The following ABL1 variants were observed in gnomAD, a reference collection of about 807,000 sequenced individuals.
ABL1 encodes the protein ABL proto-oncogene 1, non-receptor tyrosine kinase.
A neutral mutation model predicts 94.7 loss-of-function variants in ABL1; 11 were observed. The ratio of observed to expected loss-of-function variants is 0.12; its 90% CI spans 0.07 to 0.19. ABL1 has a LOEUF of 0.19. Ranked by LOEUF, ABL1 falls within the 10% of genes least tolerant of loss-of-function variation. ABL1 has a pLI of 1.00. For missense variants in ABL1, 1,082 were observed against 1,489.4 expected, an observed-to-expected ratio of 0.73 and a Z score of 4.50; for synonymous variants, 656 against 622.4, an observed-to-expected ratio of 1.05 and a Z score of -0.80.
intron 1 of ABL1, among the ~76,000 whole-genome samples, chr9:130,820,660 CA>C (rs773982978): frequency 6.6e-6 from 1 of 152,154 alleles, no homozygotes; most frequent in African/African-American, 2.4e-5. Flanking sequence ...AGCTGAAAAC[CA>C]ACAACACGTA....
chr9:130,878,147 C>T (rs35373221), intron 7 of ABL1, among the ~76,000 whole-genome samples: 2,119 of 152,108 alleles, frequency 0.014, 57 homozygotes, highest in African/African-American at 0.049. Flanking sequence ...GATGGGGTTT[C>T]GCCATGTTGG....
At chr9:130,773,415 G>A (rs1832276096) in intron 1 of ABL1, among the ~76,000 whole-genome samples, 1 of 152,124 alleles carries the variant, frequency 6.6e-6, no homozygotes, top group Non-Finnish European at 1.5e-5. Context: ...GGCATTGTTT[G>A]CTAATTTCAG....
In ABL1 at chr9:130,884,876, A is replaced by T. The variant is rs1297056621; in HGVS notation, c.2586A>T (p.Pro862=). The change falls in exon 11 of 11, where the codon CCA becomes CCT. Residue 862 remains proline, a synonymous_variant. Coordinates refer to ENST00000318560, the MANE Select transcript of ABL1 (RefSeq NM_005157.6). The surrounding 1 kb of genome is among the most constrained non-coding windows in gnomAD (Gnocchi z 5.6). ...CCAGCAAAGCAGGCTCAGGTGCACC[A>T]GGGGGCACCAGCAAGGGCCCCGCCG... ...TPTSKAGSGA[P]GGTSKGPAEE... 2 of 1,608,000 alleles carry T rather than the reference A, an allele frequency of 1.2e-6. No homozygotes were observed. Among genetic ancestry groups the T allele is most frequent in the Non-Finnish European group, 1.7e-6 (2 of 1,177,608 alleles).
chr9:130,859,985 T>C (rs1831045397), intron 3 of ABL1, among the ~76,000 whole-genome samples: 1 of 152,154 alleles, frequency 6.6e-6, no homozygotes, highest in Non-Finnish European at 1.5e-5. Flanking sequence ...GGCAAAATGC[T>C]GTTTCTAAGC....
intron 7 of ABL1, 51 bp from the exon 8 acceptor site, chr9:130,878,364 A>G (rs750601601): frequency 3.7e-6 from 6 of 1,601,058 alleles, no homozygotes; most frequent in Non-Finnish European, 5.1e-6. Flanking sequence ...AATGTAGTGT[A>G]GTGAAATGCT....
At position 130,884,746 on chromosome 9, in the gene ABL1, G is replaced by A. The variant is rs771667120; in HGVS notation, c.2456G>A (p.Arg819Gln). 1.2e-5 allele frequency: 20 copies of A among 1,612,306 alleles called. No individual in the cohort carries two copies. The highest frequency in any genetic ancestry group is 8.3e-5 in the Admixed American group (5 of 59,988). ...SPPNLTPKPL[R>Q]RQVTVAPASG... ...CCCAACCTGACTCCAAAACCCCTCC[G>A]GCGGCAGGTCACCGTGGCCCCTGCC... Residue 819 changes from arginine to glutamine, a missense_variant, in exon 11 of 11, where the codon CGG becomes CAG. Arg to Gln is a conservative substitution (Grantham distance 43, BLOSUM62 1). Around this residue, in one of 7 missense-constraint regions of ABL1, gnomAD observed 780 missense variants for 835.8 expected, o/e 0.93. Transcript: ENST00000318560. The surrounding 1 kb of genome is among the most constrained non-coding windows in gnomAD (Gnocchi z 5.6).
chr9:130,808,431 A>G (rs762234638), intron 1 of ABL1, among the ~76,000 whole-genome samples: 14 of 151,408 alleles, frequency 9.2e-5, no homozygotes, highest in Non-Finnish European at 1.5e-4. Flanking sequence ...TTTAGTAGAG[A>G]TGGGGTTTCA....
Position 130,727,758 on chromosome 9 carries a change from C to T in ABL1, c.136+13303C>T, listed in dbSNP as rs951881953. Among the ~76,000 whole-genome samples the T allele has an allele frequency of 5.1e-4, 69 of 134,732 alleles. 3 individuals carry two copies. In the East Asian group the frequency reaches 0.013, roughly 26 times the overall value. 88.4% of individuals were successfully genotyped at this position (134,732 alleles called of 152,430 possible). A position where few individuals can be genotyped will look rare whatever the true frequency, so the allele number is the denominator to read the frequency against. Reference sequence around the variant, plus strand: ...GTGACAGAGTGAGACACCGCCCCCCCCCCCCAAAAAAAAGCATTTATTAGG... The same window carrying T: ...GTGACAGAGTGAGACACCGCCCCCCTCCCCCAAAAAAAAGCATTTATTAGG... On this transcript the variant is annotated intron_variant, in intron 1 of 10. Coordinates refer to the ABL1 transcript ENST00000372348.
At chr9:130,838,648 A>G (rs1367587660) in intron 1 of ABL1, among the ~76,000 whole-genome samples, 2 of 152,246 alleles carry the variant, frequency 1.3e-5, no homozygotes, top group Non-Finnish European at 2.9e-5. Context: ...TCTATTCACC[A>G]GGACCGCATT....
chr9:130,875,979 C>A (rs1373341863), intron 7 of ABL1, among the ~76,000 whole-genome samples: 1 of 152,166 alleles, frequency 6.6e-6, no homozygotes, highest in Non-Finnish European at 1.5e-5. Context: ...AGGCGCATGC[C>A]ACCACCCCCG....
chr9:130,771,675 T>C (rs1391863874), intron 1 of ABL1, among the ~76,000 whole-genome samples: 1 of 152,062 alleles, frequency 6.6e-6, no homozygotes, highest in Non-Finnish European at 1.5e-5. Context: ...CATACTGGGA[T>C]AGCAGCAGTA....
chr9:130,787,893 T>C (rs898055171), intron 1 of ABL1, among the ~76,000 whole-genome samples: 1 of 152,214 alleles, frequency 6.6e-6, no homozygotes, highest in African/African-American at 2.4e-5. Context: ...TGTCACTGAT[T>C]AGAATTCAGT....
chr9:130,731,596 C>T (rs536993652), intron 1 of ABL1, among the ~76,000 whole-genome samples: 9 of 151,496 alleles, frequency 5.9e-5, no homozygotes, highest in African/African-American at 2.2e-4. Context: ...TGTGGATCTG[C>T]TGGGGAACTC....
In ABL1 at chr9:130,828,474, G is replaced by A. The variant is rs375201196; in HGVS notation, c.137-25590G>A. Among the ~76,000 whole-genome samples, 23 of 152,218 alleles carry A rather than the reference G, an allele frequency of 1.5e-4. 1 individual carries two copies. The highest frequency in any genetic ancestry group is 5.1e-4 in the African/African-American group (21 of 41,524). On this transcript the variant is annotated intron_variant, in intron 1 of 10. Coordinates refer to the ABL1 transcript ENST00000372348. ...ATTGGGTTGGTACAAAAGTAATTGG[G>A]GCTTTTGCCATTTTAATGACAAAAA...
intron 1 of ABL1, among the ~76,000 whole-genome samples, chr9:130,717,943 C>T (rs369514702): frequency 9.4e-5 from 14 of 148,168 alleles, no homozygotes; most frequent in East Asian, 2.0e-4. Context: ...AACCCCGGAG[C>T]GGAGGTTGCA....
At chr9:130,853,766 G>A (rs1246616390) in intron 1 of ABL1, among the ~76,000 whole-genome samples, 1 of 152,202 alleles carries the variant, frequency 6.6e-6, no homozygotes, top group Non-Finnish European at 1.5e-5. Flanking sequence ...TGCATATGTG[G>A]ATAGACTGTT....
At chr9:130,877,664 G>A (rs1263375828) in intron 7 of ABL1, among the ~76,000 whole-genome samples, 11 of 145,782 alleles carry the variant, frequency 7.5e-5, no homozygotes, top group East Asian at 1.9e-4. Flanking sequence ...TTTTTGAGAC[G>A]GGGTCTTGCT....
upstream of ABL1, among the ~76,000 whole-genome samples, chr9:130,830,702 C>T (rs570100903): frequency 6.6e-6 from 1 of 152,338 alleles, no homozygotes; most frequent in East Asian, 1.9e-4. Context: ...ACAATAGCTA[C>T]TGTTTATCGA....
Position 130,863,120 on chromosome 9 carries a change from C to T in ABL1, c.822+85C>T, listed in dbSNP as rs1831102632. 1.4e-6 allele frequency: 2 copies of T among 1,430,400 alleles called. No individual in the cohort carries two copies. The highest frequency in any genetic ancestry group is 2.5e-5 in the East Asian group (1 of 40,570). 88.6% of individuals were successfully genotyped at this position (1,430,400 alleles called of 1,614,324 possible). A position where few individuals can be genotyped will look rare whatever the true frequency, so the allele number is the denominator to read the frequency against. On this transcript the variant is annotated intron_variant, in intron 4 of 10. Coordinates refer to ENST00000318560, the MANE Select transcript of ABL1 (RefSeq NM_005157.6). This position sits in a 1 kb window ranked among gnomAD's most constrained non-coding sequence, Gnocchi z 4.3. ...GGCGATGCATCTGCCTGGAAGTCTA[C>T]CTCCTGCCTGCTGTCCGAGGGCTTC...
Sources: gnomAD v4.1 joint callset for allele counts (sites outside exome capture counted in the v4.1 genomes callset) on GRCh38, gnomAD v4.1.1 for gene constraint, gnomAD v4.1.1 regional missense constraint, Gnocchi (gnomAD v3.1) non-coding constraint, MANE v1.5 for transcripts, NCBI Gene and HGNC (gene_info 2026-07-23, HGNC 2026-07-21) for gene names.